The following CDH19 variants were observed in gnomAD, a reference collection of about 807,000 sequenced individuals.
CDH19 encodes the protein cadherin 19.
CDH19 carries 67 observed loss-of-function variants against 64.2 expected under a neutral mutation model. The observed-to-expected ratio is 1.04, with a 90% CI of 0.86 to 1.28. The LOEUF is 1.28. CDH19 is among the 50% of genes most tolerant of loss of function. CDH19 has a pLI of 0.00. For missense variants in CDH19, 1,030 were observed against 929.0 expected, an observed-to-expected ratio of 1.11 and a Z score of -1.41; for synonymous variants, 346 against 319.3, an observed-to-expected ratio of 1.08 and a Z score of -0.89.
chr18:66,523,659 C>A (rs1421615496), intron 9 of CDH19, among the ~76,000 whole-genome samples: 2 of 151,660 alleles, frequency 1.3e-5, no homozygotes, highest in Non-Finnish European at 2.9e-5. Context: ...TGAGCCCAGG[C>A]GGCAGTTGCT....
chr18:66,592,244 T>C (rs1442679526), intron 1 of CDH19, among the ~76,000 whole-genome samples: 2 of 151,862 alleles, frequency 1.3e-5, no homozygotes, highest in Non-Finnish European at 2.9e-5. Context: ...ATTTTGTACA[T>C]ATTCAAATAT....
At chr18:66,548,193 A>G (rs1987204218) in intron 5 of CDH19, among the ~76,000 whole-genome samples, 1 of 146,990 alleles carries the variant, frequency 6.8e-6, no homozygotes, top group Admixed American at 6.8e-5. Flanking sequence ...TTAAAACCTA[A>G]TATACACTTA....
chr18:66,569,975 C>T (rs1988050274), intron 2 of CDH19, among the ~76,000 whole-genome samples: 1 of 151,586 alleles, frequency 6.6e-6, no homozygotes, highest in Non-Finnish European at 1.5e-5. Flanking sequence ...ATTTTAATAA[C>T]ATGCCGAATA....
intron 10 of CDH19, 152 bp from the exon 11 acceptor site, chr18:66,509,398 AC>A: frequency 1.7e-6 from 1 of 587,832 alleles, no homozygotes; most frequent in Non-Finnish European, 2.9e-6. Context: ...GACAACTAAA[AC>A]ATCCACACTA....
intron 1 of CDH19, among the ~76,000 whole-genome samples, chr18:66,589,269 C>CAT (rs778023388): frequency 2.1e-3 from 309 of 149,038 alleles, no homozygotes; most frequent in African/African-American, 5.6e-3. Context: ...TATATACACA[C>CAT]ATATATATAT....
chr18:66,532,000 T>C (rs562693494), intron 8 of CDH19, among the ~76,000 whole-genome samples: 9 of 151,978 alleles, frequency 5.9e-5, no homozygotes, highest in Non-Finnish European at 1.3e-4. Flanking sequence ...TTTTAATCTT[T>C]CTCTCTCTCA....
rs117319244 is a variant in CDH19, at chr18:66,594,410, T to C, written c.-113+9544A>G. Among the ~76,000 whole-genome samples, 620 of 152,132 alleles carry C rather than the reference T, an allele frequency of 4.1e-3. 15 individuals are homozygous for C. In the South Asian group the frequency reaches 0.057, roughly 14 times the overall value. ...AACCTAAACTTGACACTTTACCAAA[T>C]GGAACTAACAGACAACTACAGAGCA... is the stretch of plus-strand genomic sequence containing the variant. On this transcript the variant is annotated intron_variant, in intron 1 of 11. Transcript: ENST00000262150.
rs1985015513 is a variant in CDH19 at position 66,503,069 on chromosome 18, CT to C, written c.*1742del. On this transcript the variant is annotated 3_prime_UTR_variant, in exon 12 of 12. Transcript: ENST00000262150. The stretch of plus-strand genomic sequence containing the variant: ...AACATATATGGCCAGTTTGGTTCAG[CT>C]TAGTCTCACATGCTATTAATAAAAA... 6.6e-6 allele frequency: 1 copy of C among 151,776 alleles called. No homozygotes were observed. The highest frequency in any genetic ancestry group is 1.5e-5 in the Non-Finnish European group (1 of 67,812). The allele number at this position is 151,776 out of a possible 1,614,324, so 9.4% of individuals were successfully genotyped here.
At chr18:66,549,676 T>G (rs1218517007) in intron 5 of CDH19, among the ~76,000 whole-genome samples, 1 of 152,064 alleles carries the variant, frequency 6.6e-6, no homozygotes, top group Non-Finnish European at 1.5e-5. Context: ...AGAGCAGAAA[T>G]TAAAAAATGA....
In CDH19 at chr18:66,597,162, TAA is replaced by T. The variant is rs71169160; in HGVS notation, c.-113+6790_-113+6791del. Among the ~76,000 whole-genome samples the T allele has an allele frequency of 1.0e-3, 88 of 86,266 alleles. 2 individuals are homozygous for T. Among genetic ancestry groups the T allele is most frequent in the Admixed American group, 5.6e-4 (4 of 7,154 alleles). The allele number at this position is 86,266 out of a possible 152,430, so 56.6% of individuals were successfully genotyped here. A position where few individuals can be genotyped will look rare whatever the true frequency, so the allele number is the denominator to read the frequency against. ...CCAAAGAGCCAAAGCAATCTTAAGT[TAA>T]AAAAAAAAAAAAAAAGCTGGAAGAA... On this transcript the variant is annotated intron_variant, in intron 1 of 11. Coordinates refer to ENST00000262150, the MANE Select transcript of CDH19 (RefSeq NM_021153.4).
intron 3 of CDH19, among the ~76,000 whole-genome samples, chr18:66,567,949 A>G (rs1323957393): frequency 6.6e-6 from 1 of 151,600 alleles, no homozygotes; most frequent in African/African-American, 2.4e-5. Flanking sequence ...ACAGCCACAC[A>G]CAGGTGTTCA....
chr18:66,562,803 T>C (rs989737962), intron 3 of CDH19, among the ~76,000 whole-genome samples: 2 of 152,160 alleles, frequency 1.3e-5, no homozygotes, highest in Non-Finnish European at 2.9e-5. Flanking sequence ...GGTGCTAACC[T>C]GTATAAAACT....
At chr18:66,511,709 T>C in intron 9 of CDH19, 24 bp from the exon 10 acceptor site, 1 of 1,054,820 alleles carries the variant, frequency 9.5e-7, no homozygotes. Context: ...GGGATAGATT[T>C]TTGTTGTTGT....
chr18:66,507,473 G>C (rs1985257284), intron 11 of CDH19, among the ~76,000 whole-genome samples: 1 of 151,768 alleles, frequency 6.6e-6, no homozygotes, highest in Non-Finnish European at 1.5e-5. Flanking sequence ...GGAGGCAAGA[G>C]CAGAGTTTAG....
intron 4 of CDH19, among the ~76,000 whole-genome samples, chr18:66,552,980 C>T (rs1459158461): frequency 7.5e-6 from 1 of 133,834 alleles, no homozygotes; most frequent in Non-Finnish European, 1.5e-5. Context: ...GCCCTGAAAT[C>T]ATCTTCCACT....
chr18:66,519,551 A>C (rs572622171), intron 9 of CDH19, among the ~76,000 whole-genome samples: 69 of 152,276 alleles, frequency 4.5e-4, no homozygotes, highest in African/African-American at 1.6e-3. Flanking sequence ...TCATTCTCAC[A>C]TAAGGGGAAA....
chr18:66,564,349 G>C (rs1987828437), intron 3 of CDH19, among the ~76,000 whole-genome samples: 4 of 151,800 alleles, frequency 2.6e-5, no homozygotes, highest in Admixed American at 2.6e-4. Context: ...GGTAAACAGA[G>C]TCTTACTCAC....
At chr18:66,521,507 T>C (rs1985980549) in intron 9 of CDH19, among the ~76,000 whole-genome samples, 1 of 81,404 alleles carries the variant, frequency 1.2e-5, no homozygotes, top group African/African-American at 4.6e-5. Context: ...CTGGCCTTTA[T>C]TTATTTATTT....
At chr18:66,525,917 A>C (rs760835015) in intron 9 of CDH19, among the ~76,000 whole-genome samples, 3 of 152,136 alleles carry the variant, frequency 2.0e-5, no homozygotes, top group African/African-American at 4.8e-5. Flanking sequence ...CTTAAGGGAA[A>C]TTGTAAAATA....
Sources: gnomAD v4.1 joint callset for allele counts (sites outside exome capture counted in the v4.1 genomes callset) on GRCh38, gnomAD v4.1.1 for gene constraint, MANE v1.5 for transcripts, NCBI Gene and HGNC (gene_info 2026-07-23, HGNC 2026-07-21) for gene names.